Variants in POM121 observed in about 807,000 individuals in gnomAD.
POM121 encodes the protein nuclear envelope pore membrane protein POM 121.
Under a neutral mutation model 81.3 loss-of-function variants are expected in POM121, and 32 were observed. The observed-to-expected ratio is 0.39, with a 90% CI of 0.30 to 0.53. POM121 has a LOEUF of 0.53. POM121 is among the 20% of genes least tolerant of loss of function. The pLI is 0.66. For synonymous variants in POM121, 514 were observed against 694.2 expected (o/e 0.74, Z 4.08); for missense variants, 1,138 against 1,614.6 (o/e 0.70, Z 5.06).
chr7:72,949,795 A>G, downstream of POM121: 1 of 1,097,938 alleles, frequency 9.1e-7, no homozygotes, highest in African/African-American at 1.5e-5. Context: ...TTACCCACTG[A>G]AAGGCACAAA....
At chr7:72,902,142 A>G in intron 3 of POM121, among the ~76,000 whole-genome samples, 1 of 151,882 alleles carries the variant, frequency 6.6e-6, no homozygotes, top group East Asian at 1.9e-4. Context: ...AACTGTGGAC[A>G]GGATAGTTTC....
intron 3 of POM121, among the ~76,000 whole-genome samples, chr7:72,909,511 A>G (rs1793598562): frequency 6.6e-6 from 1 of 152,230 alleles, no homozygotes; most frequent in South Asian, 2.1e-4. Context: ...CTATATTAGC[A>G]GGCACTCAAC....
chr7:72,906,370 C>T (rs1793235884), intron 3 of POM121, among the ~76,000 whole-genome samples: 1 of 152,260 alleles, frequency 6.6e-6, no homozygotes, highest in Admixed American at 6.5e-5. Flanking sequence ...GCCCTGGCAT[C>T]AGCCAGCTGC....
At position 72,942,377 on chromosome 7, in the gene POM121, C is replaced by A; in HGVS notation, c.2384C>A (p.Thr795Asn). The change falls in exon 11 of 13, where the codon ACT becomes AAT. Residue 795 changes from threonine (T) to asparagine (N), a missense_variant. By Grantham distance (65) the Thr-to-Asn change is moderately conservative. This residue lies in a region of POM121 where 25 missense variants were observed against 229.8 expected (regional missense o/e 0.11). Coordinates refer to ENST00000434423, the MANE Select transcript of POM121 (RefSeq NM_001387691.1). ...CCTGCTCCCTTCTTCAAGCAGACAA[C>A]TACTCCCGCCACTGCTCCCACCACA... ...PLPAPFFKQT[T>N]TPATAPTTTA... The A allele has an allele frequency of 6.6e-7, 1 of 1,510,042 alleles. No individual in the cohort carries two copies. Among genetic ancestry groups the A allele is most frequent in the Non-Finnish European group, 8.8e-7 (1 of 1,137,264 alleles). The allele number at this position is 1,510,042 out of a possible 1,614,324, so 93.5% of individuals were successfully genotyped here.
rs1369457899 is a variant in POM121 at position 72,926,489 on chromosome 7, C to T, written c.860+12C>T. On this transcript the variant is annotated intron_variant, in intron 2 of 12. Coordinates refer to ENST00000434423, the MANE Select transcript of POM121 (RefSeq NM_001387691.1). ...TCGCGTTCTGCGATGTGAGTATTAT[C>T]GTTGGAAGAATACTCTCCCTTTTCG... 7.4e-6 allele frequency: 12 copies of T among 1,613,604 alleles called. No homozygotes were observed. The highest frequency in any genetic ancestry group is 2.2e-5 in the East Asian group (1 of 44,892).
intron 3 of POM121, among the ~76,000 whole-genome samples, chr7:72,928,169 T>A (rs1244151423): frequency 6.6e-5 from 10 of 151,956 alleles, no homozygotes; most frequent in African/African-American, 2.4e-4. Context: ...AAGATCGTGC[T>A]ATTGCACTCC....
chr7:72,892,641 C>T (rs1420893387), intron 3 of POM121, among the ~76,000 whole-genome samples: 9 of 151,798 alleles, frequency 5.9e-5, no homozygotes, highest in Non-Finnish European at 1.2e-4. Context: ...TCTTCCCTCC[C>T]TCCCTTCCTC....
intron 5 of POM121, among the ~76,000 whole-genome samples, chr7:72,935,571 G>C (rs1433326749): frequency 6.6e-6 from 1 of 151,906 alleles, no homozygotes; most frequent in Non-Finnish European, 1.5e-5. Flanking sequence ...GCCTCCACCT[G>C]CTGGGTTCAA....
intron 3 of POM121, among the ~76,000 whole-genome samples, chr7:72,927,174 T>A (rs1160952089): frequency 6.6e-6 from 1 of 152,232 alleles, no homozygotes; most frequent in Non-Finnish European, 1.5e-5. Flanking sequence ...ATTTACCTTT[T>A]CCGTGAGTAG....
At chr7:72,945,848 A>T (rs374292955) in intron 12 of POM121, 140 bp downstream of exon 12, 2 of 1,424,932 alleles carry the variant, frequency 1.4e-6, no homozygotes, top group Non-Finnish European at 1.9e-6. Flanking sequence ...GTCCAGCACA[A>T]CCCAGGGATG....
chr7:72,911,140 C>T (rs1414331581), intron 3 of POM121, among the ~76,000 whole-genome samples: 7 of 152,130 alleles, frequency 4.6e-5, no homozygotes, highest in Non-Finnish European at 8.8e-5. Flanking sequence ...CTCGCCACCA[C>T]GCCCAGCTCA....
At chr7:72,948,959 A>G, downstream of POM121, 1 of 1,611,648 alleles carries the variant, frequency 6.2e-7, no homozygotes, top group Non-Finnish European at 8.5e-7. Context: ...TGGCAGAGGG[A>G]GCACATGGAG....
intron 3 of POM121, among the ~76,000 whole-genome samples, chr7:72,908,689 A>AGG (rs1340009465): frequency 3.3e-5 from 5 of 152,190 alleles, no homozygotes; most frequent in Non-Finnish European, 5.9e-5. Context: ...CCCTCCCCCT[A>AGG]GGAACGCATT....
At chr7:72,921,503 C>G (rs1250912431), upstream of POM121, among the ~76,000 whole-genome samples, 1 of 152,334 alleles carries the variant, frequency 6.6e-6, no homozygotes, top group East Asian at 1.9e-4. Flanking sequence ...GCTCTCTGCA[C>G]TGCAGTTGGG....
Position 72,948,199 on chromosome 7 carries a change from A to G in POM121, c.*1965A>G. On this transcript the variant is annotated 3_prime_UTR_variant, in exon 13 of 13. Transcript: ENST00000434423. The stretch of plus-strand genomic sequence containing the variant: ...GAGGCTGGGACTTTCCATTACAAAT[A>G]GAGACTTCATTCCTGTTGAGTCTAG... 2.1e-6 allele frequency: 3 copies of G among 1,441,842 alleles called. No homozygotes were observed. The South Asian group carries it at 4.5e-5, about 22-fold the overall frequency. The allele number at this position is 1,441,842 out of a possible 1,614,324, so 89.3% of individuals were successfully genotyped here.
intron 3 of POM121, among the ~76,000 whole-genome samples, chr7:72,906,469 G>A (rs1793249412): frequency 6.6e-6 from 1 of 152,186 alleles, no homozygotes; most frequent in Non-Finnish European, 1.5e-5. Context: ...TCCCTTCATT[G>A]TTTAAGTATG....
intron 11 of POM121, 114 bp from the exon 12 acceptor site, chr7:72,945,472 A>T (rs1162956685): frequency 8.2e-7 from 1 of 1,224,554 alleles, no homozygotes; most frequent in Non-Finnish European, 1.1e-6. Context: ...CCAGAAGCAG[A>T]AGTGGGGCTG....
upstream of POM121, among the ~76,000 whole-genome samples, chr7:72,922,792 G>A (rs1442637679): frequency 3.3e-5 from 5 of 152,192 alleles, no homozygotes; most frequent in South Asian, 4.1e-4. Flanking sequence ...GGAGTGCCCC[G>A]AGGGCTCAGG....
intron 4 of POM121, among the ~76,000 whole-genome samples, chr7:72,917,184 T>C (rs1312798638): frequency 6.6e-6 from 1 of 152,238 alleles, no homozygotes; most frequent in Non-Finnish European, 1.5e-5. Context: ...CATTTTCATG[T>C]GTGGTCACTG....
Sources: allele counts gnomAD v4.1 joint callset (sites outside exome capture counted in the v4.1 genomes callset), GRCh38; gene constraint gnomAD v4.1.1; regional missense constraint gnomAD v4.1.1; transcripts MANE v1.5; gene names NCBI Gene and HGNC (gene_info 2026-07-23, HGNC 2026-07-21).